The following SENP6 variants were observed in gnomAD, a reference collection of about 807,000 sequenced individuals.
The protein encoded by SENP6 is SUMO specific peptidase 6, also known as sentrin-specific protease 6.
In SENP6, 41 loss-of-function variants were observed where a neutral mutation model predicts 134.5. The observed-to-expected ratio is 0.30, with a 90% CI of 0.24 to 0.40. SENP6 has a LOEUF of 0.40. Ranked by LOEUF, SENP6 falls within the 10% of genes least tolerant of loss-of-function variation. The pLI, the probability that SENP6 is intolerant of heterozygous loss-of-function variation, is 1.00. For synonymous variants in SENP6, 395 were observed against 429.8 expected (o/e 0.92, Z 1.00); for missense variants, 1,248 against 1,312.5 (o/e 0.95, Z 0.76).
intron 11 of SENP6, 102 bp downstream of exon 11, chr6:75,670,822 A>C (rs1772615861): frequency 2.0e-6 from 1 of 498,762 alleles, no homozygotes; most frequent in African/African-American, 2.0e-5. Flanking sequence ...AAAATATTTA[A>C]TAGAATATCA....
At chr6:75,627,890 G>T (rs1441929248) in intron 3 of SENP6, among the ~76,000 whole-genome samples, 2 of 151,884 alleles carry the variant, frequency 1.3e-5, no homozygotes, top group Non-Finnish European at 2.9e-5. Flanking sequence ...TGTGAGGCTG[G>T]TCTCGAACTC....
In SENP6 at chr6:75,663,487, G is replaced by A. The variant is rs771323874; in HGVS notation, c.963G>A (p.Arg321=). 17 of 1,611,596 alleles carry A rather than the reference G, an allele frequency of 1.1e-5. No individual in the cohort carries two copies. The South Asian group carries it at 1.8e-4, about 17-fold the overall frequency. ...CCAAAATCACAAACTTGAAAGAAAG[G>A]AAAACAAGTTTGTCAGACCTAAATG... ...KIPKITNLKE[R]KTSLSDLNDP... The change falls in exon 9 of 24, where the codon AGG becomes AGA. Residue 321 remains arginine (R), a synonymous_variant. Transcript: ENST00000447266.
At chr6:75,701,494 T>TCATG (rs1775021605) in intron 18 of SENP6, among the ~76,000 whole-genome samples, 1 of 152,204 alleles carries the variant, frequency 6.6e-6, no homozygotes, top group African/African-American at 2.4e-5. Flanking sequence ...AAAACATTAC[T>TCATG]TATATACATA....
rs190461532 is a variant in SENP6 at position 75,698,767 on chromosome 6, T to C, written c.2288+1250T>C. Among the ~76,000 whole-genome samples the C allele has an allele frequency of 5.8e-3, 885 of 152,302 alleles. 7 individuals are homozygous for C. The highest frequency in any genetic ancestry group is 0.021 in the African/African-American group (856 of 41,580). ...GGCTCACGCCTGTAATCCCAACACT[T>C]TGAGAGGCTGAGGTGGGCGGATTAC... is the stretch of plus-strand genomic sequence containing the variant. On this transcript the variant is annotated intron_variant, in intron 18 of 23. Coordinates refer to ENST00000447266, the MANE Select transcript of SENP6 (RefSeq NM_015571.4).
At chr6:75,696,154 C>T (rs890936210) in intron 17 of SENP6, among the ~76,000 whole-genome samples, 2 of 152,146 alleles carry the variant, frequency 1.3e-5, no homozygotes, top group African/African-American at 4.8e-5. Flanking sequence ...TTTTTTTTAA[C>T]AACTTATTTA....
chr6:75,706,627 A>G (rs1472398978), intron 19 of SENP6, among the ~76,000 whole-genome samples: 1 of 152,204 alleles, frequency 6.6e-6, no homozygotes, highest in Non-Finnish European at 1.5e-5. Flanking sequence ...TAATACTTGT[A>G]TATCCCATTT....
chr6:75,697,594 TGAA>T, intron 18 of SENP6, 77 bp downstream of exon 18: 2 of 933,682 alleles, frequency 2.1e-6, no homozygotes, highest in South Asian at 1.5e-5. Flanking sequence ...GAGTATGAGG[TGAA>T]GAATTCATTT....
At chr6:75,710,303 C>G (rs1157382135) in intron 20 of SENP6, among the ~76,000 whole-genome samples, 1 of 152,086 alleles carries the variant, frequency 6.6e-6, no homozygotes, top group African/African-American at 2.4e-5. Context: ...TTTGCCCTAA[C>G]AAACAGTATG....
At chr6:75,691,158 T>TTC (rs397888024) in intron 16 of SENP6, among the ~76,000 whole-genome samples, 1 of 151,604 alleles carries the variant, frequency 6.6e-6, no homozygotes, top group East Asian at 1.9e-4. Context: ...TTTTTTTTTT[T>TTC]CAAAGACAGA....
chr6:75,622,213 A>AGTTT (rs1179745442), intron 2 of SENP6, among the ~76,000 whole-genome samples: 1 of 152,232 alleles, frequency 6.6e-6, no homozygotes, highest in Non-Finnish European at 1.5e-5. Flanking sequence ...TTTAAATGAT[A>AGTTT]GTTTTAATAG....
intron 1 of SENP6, chr6:75,611,750 A>T (rs1003610090): frequency 6.6e-6 from 1 of 152,218 alleles, no homozygotes; most frequent in Non-Finnish European, 1.5e-5. Context: ...GCTTTGGAAT[A>T]GGTATCATTG....
At position 75,621,518 on chromosome 6, in the gene SENP6, T is replaced by C. The variant is rs752703974; in HGVS notation, c.53-14T>C. The stretch of plus-strand genomic sequence containing the variant: ...CTATTAATGAATACTTACTGCAGTT[T>C]GTTTTTATTTCAGCTTTGGCTAGAT... On this transcript the variant is annotated splice_polypyrimidine_tract_variant and intron_variant, in intron 1 of 23. Transcript: ENST00000447266. 3 of 1,514,492 alleles carry C rather than the reference T, an allele frequency of 2.0e-6. No individual in the cohort carries two copies. Among genetic ancestry groups the C allele is most frequent in the Non-Finnish European group, 2.7e-6 (3 of 1,092,784 alleles). 93.8% of individuals were successfully genotyped at this position (1,514,492 alleles called of 1,614,324 possible). A position where few individuals can be genotyped will look rare whatever the true frequency, so the allele number is the denominator to read the frequency against.
chr6:75,647,088 G>C (rs1770508269), intron 6 of SENP6, among the ~76,000 whole-genome samples: 1 of 151,998 alleles, frequency 6.6e-6, no homozygotes, highest in Non-Finnish European at 1.5e-5. Flanking sequence ...ATTTTTATGT[G>C]GTTTATTTAG....
chr6:75,695,300 A>G (rs915374987), intron 16 of SENP6, among the ~76,000 whole-genome samples: 14 of 152,188 alleles, frequency 9.2e-5, no homozygotes, highest in Non-Finnish European at 1.8e-4. Flanking sequence ...TTAGATCTTT[A>G]TGTTATAATT....
At chr6:75,683,903 C>T (rs1773640514) in intron 16 of SENP6, among the ~76,000 whole-genome samples, 1 of 152,070 alleles carries the variant, frequency 6.6e-6, no homozygotes, top group Admixed American at 6.6e-5. Flanking sequence ...TCCATATGAA[C>T]TTTAAAGTAG....
chr6:75,677,882 A>AC (rs1773202778), intron 14 of SENP6: 1 of 152,288 alleles, frequency 6.6e-6, no homozygotes, highest in South Asian at 2.1e-4. Context: ...TTGCTGACCT[A>AC]ATTTATTGGG....
intron 7 of SENP6, among the ~76,000 whole-genome samples, chr6:75,652,001 C>T (rs1444046993): frequency 2.0e-5 from 3 of 151,266 alleles, no homozygotes; most frequent in Non-Finnish European, 4.4e-5. Flanking sequence ...CATGGTGAAA[C>T]CCTAACTCTC....
At chr6:75,667,028 C>A in intron 10 of SENP6, 87 bp downstream of exon 10, 8 of 709,726 alleles carry the variant, frequency 1.1e-5, no homozygotes, top group Non-Finnish European at 1.6e-5. Flanking sequence ...TTGGTAGTGC[C>A]AAGAAAAAAT....
chr6:75,621,256 C>T (rs958613909), intron 1 of SENP6, among the ~76,000 whole-genome samples: 1 of 152,174 alleles, frequency 6.6e-6, no homozygotes, highest in Non-Finnish European at 1.5e-5. Context: ...TATATATATT[C>T]ATACATATTC....
Sources: allele counts gnomAD v4.1 joint callset (sites outside exome capture counted in the v4.1 genomes callset), GRCh38; gene constraint gnomAD v4.1.1; transcripts MANE v1.5; gene names NCBI Gene and HGNC (gene_info 2026-07-23, HGNC 2026-07-21).